Variants in C1orf146 observed in about 807,000 individuals in gnomAD.
C1orf146 encodes the protein chromosome 1 open reading frame 146, also known as protein SPO16 homolog.
Under a neutral mutation model 23.0 loss-of-function variants are expected in C1orf146, and 22 were observed. That is an observed-to-expected ratio of 0.96 (90% CI 0.68 to 1.36). C1orf146 has a LOEUF of 1.36. C1orf146 is among the 40% of genes most tolerant of loss of function. The pLI is 0.00. For missense variants in C1orf146, 199 were observed against 206.8 expected (o/e 0.96, Z 0.23); for synonymous variants, 59 against 65.3 (o/e 0.90, Z 0.47).
At chr1:92,233,431 G>A (rs371878243) in intron 2 of C1orf146, among the ~76,000 whole-genome samples, 55 of 152,040 alleles carry the variant, frequency 3.6e-4, no homozygotes, top group East Asian at 1.5e-3. Flanking sequence ...GATATGCGGC[G>A]TTATTTCTGA....
rs1651904091 is a variant in C1orf146 at position 92,224,022 on chromosome 1, TTATTTA to T, written c.-40+5976_-40+5981del. 2.4e-3 allele frequency among the ~76,000 whole-genome samples: 302 copies of T among 128,134 alleles called. 2 individuals carry two copies. The highest frequency in any genetic ancestry group is 9.1e-3 in the South Asian group (38 of 4,190). 84.1% of individuals were successfully genotyped at this position (128,134 alleles called of 152,430 possible). The stretch of plus-strand genomic sequence containing the variant: ...GTTGTTGTTGTTTTATTTTATTTAT[TTATTTA>T]TTTATTTATTTATTTATTTATTTAT... On this transcript the variant is annotated intron_variant, in intron 1 of 5. Coordinates refer to ENST00000370375, the MANE Select transcript of C1orf146 (RefSeq NM_001012425.2).
chr1:92,245,717 AG>A lies in C1orf146; in HGVS notation c.*44del. The A allele has an allele frequency of 7.9e-7, 1 of 1,273,332 alleles. No homozygotes were observed. The highest frequency in any genetic ancestry group is 1.1e-6 in the Non-Finnish European group (1 of 919,536). 78.9% of individuals were successfully genotyped at this position (1,273,332 alleles called of 1,614,324 possible). On this transcript the variant is annotated 3_prime_UTR_variant, in exon 6 of 6. Transcript: ENST00000370375. ...TTTCTCGAAGAATGTGAAAATAATTAGACCTGTTAAATTATAATATTCAAAT... is the reference window on the plus strand; with the variant it reads ...TTTCTCGAAGAATGTGAAAATAATTAACCTGTTAAATTATAATATTCAAAT...
At chr1:92,233,559 G>C (rs1033686359) in intron 2 of C1orf146, among the ~76,000 whole-genome samples, 2 of 152,116 alleles carry the variant, frequency 1.3e-5, no homozygotes, top group African/African-American at 4.8e-5. Flanking sequence ...CTCCAGCTTT[G>C]TTCTTTTGGC....
intron 1 of C1orf146, among the ~76,000 whole-genome samples, chr1:92,230,641 A>G (rs1180613207): frequency 2.0e-5 from 3 of 151,240 alleles, no homozygotes; most frequent in African/African-American, 7.3e-5. Context: ...TCAGCCAGGC[A>G]TGGTGGTGCA....
intron 1 of C1orf146, among the ~76,000 whole-genome samples, chr1:92,222,712 G>A (rs1055275562): frequency 1.3e-5 from 2 of 150,240 alleles, no homozygotes; most frequent in African/African-American, 2.5e-5. Context: ...TCAGCCTCCC[G>A]AGTAGCTGGG....
At chr1:92,220,952 C>A (rs1295986824) in intron 1 of C1orf146, among the ~76,000 whole-genome samples, 1 of 152,108 alleles carries the variant, frequency 6.6e-6, no homozygotes, top group Non-Finnish European at 1.5e-5. Flanking sequence ...GTAGATAATG[C>A]CTGCCAAGAA....
chr1:92,219,496 CTTT>C (rs71091269), intron 1 of C1orf146, among the ~76,000 whole-genome samples: 5 of 81,176 alleles, frequency 6.2e-5, no homozygotes, highest in South Asian at 5.5e-4. Flanking sequence ...CTTTCTCTTT[CTTT>C]TTTTTTTTTT....
intron 2 of C1orf146, among the ~76,000 whole-genome samples, chr1:92,241,187 CTTATTATTA>C (rs146597980): frequency 0.29 from 40,932 of 142,534 alleles, 6,589 homozygotes; most frequent in Non-Finnish European, 0.35. Context: ...CTCCAAGTTG[CTTATTATTA>C]TTATTATTAT....
intron 2 of C1orf146, among the ~76,000 whole-genome samples, chr1:92,237,254 TTGA>T (rs1652305280): frequency 6.6e-6 from 1 of 152,274 alleles, no homozygotes; most frequent in African/African-American, 2.4e-5. Context: ...CTTTTGGTCT[TTGA>T]TGATGGTGAT....
chr1:92,240,410 G>T (rs1652404541), intron 2 of C1orf146, among the ~76,000 whole-genome samples: 1 of 152,128 alleles, frequency 6.6e-6, no homozygotes, highest in African/African-American at 2.4e-5. Context: ...CAGCAGGCGG[G>T]TTGGCCTAAA....
chr1:92,231,916 G>A (rs1652131623), intron 2 of C1orf146, among the ~76,000 whole-genome samples: 1 of 152,110 alleles, frequency 6.6e-6, no homozygotes, highest in Non-Finnish European at 1.5e-5. Context: ...CTGAGAGCAG[G>A]TGGTCAGCTC....
At chr1:92,221,538 G>A (rs1651818288) in intron 1 of C1orf146, among the ~76,000 whole-genome samples, 1 of 152,146 alleles carries the variant, frequency 6.6e-6, no homozygotes, top group Non-Finnish European at 1.5e-5. Context: ...TGCTGTAAGA[G>A]CAAAGGTGGT....
At position 92,229,154 on chromosome 1, in the gene C1orf146, G is replaced by T. The variant is rs375168304; in HGVS notation, c.-39-2228G>T. The T allele has an allele frequency of 1.4e-4, 76 of 525,400 alleles. No individual in the cohort carries two copies. The East Asian group carries it at 1.7e-3, about 12-fold the overall frequency. The allele number at this position is 525,400 out of a possible 1,614,324, so 32.5% of individuals were successfully genotyped here. On this transcript the variant is annotated intron_variant, in intron 1 of 5. Transcript: ENST00000370375. Reference sequence around the variant, plus strand: ...AGTACTTTCGCTCTCGGGGTGCAATGATCTTGATCTTCATGGTGCTAGGTG... The same window carrying T: ...AGTACTTTCGCTCTCGGGGTGCAATTATCTTGATCTTCATGGTGCTAGGTG...
intron 2 of C1orf146, among the ~76,000 whole-genome samples, chr1:92,241,393 A>G (rs2100748321): frequency 6.6e-6 from 1 of 151,834 alleles, no homozygotes; most frequent in African/African-American, 2.4e-5. Context: ...GTAGAGAAGC[A>G]GTTTTGCCAT....
chr1:92,235,073 T>G (rs1652242432), intron 2 of C1orf146, among the ~76,000 whole-genome samples: 1 of 152,148 alleles, frequency 6.6e-6, no homozygotes, highest in South Asian at 2.1e-4. Flanking sequence ...CCTGGATTCA[T>G]TAATTTTTTG....
intron 2 of C1orf146, among the ~76,000 whole-genome samples, chr1:92,237,758 C>T (rs1354194219): frequency 6.6e-6 from 1 of 152,168 alleles, no homozygotes; most frequent in Non-Finnish European, 1.5e-5. Flanking sequence ...AACATTTGCC[C>T]ATTTTATAGA....
At chr1:92,235,611 A>G (rs1370687801) in intron 2 of C1orf146, among the ~76,000 whole-genome samples, 1 of 152,208 alleles carries the variant, frequency 6.6e-6, no homozygotes, top group Non-Finnish European at 1.5e-5. Context: ...AGAGTTCTGT[A>G]GATGTCTGTT....
intron 1 of C1orf146, 23 bp from the exon 2 acceptor site, chr1:92,231,359 C>T: frequency 8.8e-7 from 1 of 1,136,416 alleles, no homozygotes; most frequent in Non-Finnish European, 1.3e-6. Flanking sequence ...TCTTTGCATT[C>T]TTTGTGTTCT....
At position 92,227,737 on chromosome 1, in the gene C1orf146, G is replaced by A. The variant is rs374951704; in HGVS notation, c.-39-3645G>A. Among the ~76,000 whole-genome samples, 35 of 151,902 alleles carry A rather than the reference G, an allele frequency of 2.3e-4. No individual in the cohort carries two copies. The East Asian group carries it at 3.9e-3, about 17-fold the overall frequency. On this transcript the variant is annotated intron_variant, in intron 1 of 5. Coordinates refer to ENST00000370375, the MANE Select transcript of C1orf146 (RefSeq NM_001012425.2). ...TTCACCACTTAAAAGCTATTATTCAGTTGCCTCCTAGCTACCATGTTTCTA... is the reference window on the plus strand; with the variant it reads ...TTCACCACTTAAAAGCTATTATTCAATTGCCTCCTAGCTACCATGTTTCTA...
Sources: allele counts gnomAD v4.1 joint callset (sites outside exome capture counted in the v4.1 genomes callset), GRCh38; gene constraint gnomAD v4.1.1; transcripts MANE v1.5; gene names NCBI Gene and HGNC (gene_info 2026-07-23, HGNC 2026-07-21).